PCDH15: variants seen among roughly 807,000 people sequenced by gnomAD.
PCDH15 encodes protocadherin related 15.
In PCDH15, 129 loss-of-function variants were observed where a neutral mutation model predicts 178.5. That is an observed-to-expected ratio of 0.72 (90% CI 0.63 to 0.84). The LOEUF is 0.84. Among genes scored for constraint, PCDH15 ranks in the 40% least tolerant of loss-of-function variants. The pLI, the probability that PCDH15 is intolerant of heterozygous loss-of-function variation, is 0.00. For synonymous variants in PCDH15, 800 were observed against 732.0 expected, an observed-to-expected ratio of 1.09 and a Z score of -1.50; for missense variants, 2,230 against 2,099.9, an observed-to-expected ratio of 1.06 and a Z score of -1.21.
intron 34 of PCDH15, among the ~76,000 whole-genome samples, chr10:53,816,922 A>AT (rs1179886276): frequency 1.3e-5 from 2 of 152,188 alleles, no homozygotes; most frequent in Non-Finnish European, 2.9e-5. Context: ...TTTAAAGCTA[A>AT]TACAGTCACC....
At chr10:53,916,015 A>T (rs1230409273) in intron 25 of PCDH15, among the ~76,000 whole-genome samples, 2 of 152,164 alleles carry the variant, frequency 1.3e-5, no homozygotes, top group African/African-American at 4.8e-5. Flanking sequence ...CTGATAGAAA[A>T]TGGCCATAGT....
intron 1 of PCDH15, among the ~76,000 whole-genome samples, chr10:55,195,513 G>C (rs913754357): frequency 6.7e-6 from 1 of 150,274 alleles, no homozygotes; most frequent in African/African-American, 2.4e-5. Flanking sequence ...AAAATTAGGC[G>C]GGCATGGTGG....
chr10:54,383,793 G>A (rs1448738749), intron 3 of PCDH15, among the ~76,000 whole-genome samples: 1 of 151,452 alleles, frequency 6.6e-6, no homozygotes, highest in African/African-American at 2.4e-5. Flanking sequence ...CCCAGGGGTT[G>A]AAATCAAAGA....
chr10:54,267,612 T>C (rs1452118195), intron 8 of PCDH15, among the ~76,000 whole-genome samples: 1 of 151,818 alleles, frequency 6.6e-6, no homozygotes, highest in Admixed American at 6.6e-5. Context: ...AAAGCAGTAG[T>C]ATTTCTATAC....
At chr10:54,475,591 AT>A (rs1052478272) in intron 3 of PCDH15, among the ~76,000 whole-genome samples, 4 of 151,872 alleles carry the variant, frequency 2.6e-5, no homozygotes, top group African/African-American at 7.2e-5. Context: ...ATCATATTAT[AT>A]TTTTTTCTGA....
chr10:54,180,373 T>C (rs1423859135), intron 13 of PCDH15, among the ~76,000 whole-genome samples: 10 of 152,194 alleles, frequency 6.6e-5, no homozygotes, highest in East Asian at 1.9e-4. Context: ...AAAAATATAC[T>C]GTACTTAAAA....
intron 1 of PCDH15, among the ~76,000 whole-genome samples, chr10:55,177,876 T>A (rs540303364): frequency 1.1e-4 from 16 of 152,100 alleles, no homozygotes; most frequent in African/African-American, 3.9e-4. Context: ...CGGATTTTTT[T>A]TATAGAACAA....
chr10:54,615,051 C>G (rs1350377609), intron 2 of PCDH15, among the ~76,000 whole-genome samples: 1 of 151,954 alleles, frequency 6.6e-6, no homozygotes, highest in Non-Finnish European at 1.5e-5. Context: ...TACCCATTCA[C>G]ACAATGTTGT....
chr10:54,385,814 T>C (rs544578522), intron 3 of PCDH15, among the ~76,000 whole-genome samples: 3 of 152,314 alleles, frequency 2.0e-5, no homozygotes, highest in South Asian at 4.1e-4. Context: ...GGTCATTTTA[T>C]TCATTTGGTC....
intron 1 of PCDH15, among the ~76,000 whole-genome samples, chr10:55,252,241 C>G (rs765306954): frequency 6.6e-6 from 1 of 152,054 alleles, no homozygotes; most frequent in African/African-American, 2.4e-5. Flanking sequence ...CAGATCCTGA[C>G]AGAGATGTAT....
At chr10:55,543,520 C>G (rs969202127) in intron 2 of PCDH15, among the ~76,000 whole-genome samples, 3 of 151,300 alleles carry the variant, frequency 2.0e-5, no homozygotes, top group African/African-American at 7.3e-5. Flanking sequence ...TACTTGATTG[C>G]TAACCCTAGT....
chr10:54,128,872 A>C (rs1304188808), intron 15 of PCDH15, among the ~76,000 whole-genome samples: 1 of 152,340 alleles, frequency 6.6e-6, no homozygotes, highest in Middle Eastern at 3.4e-3. Context: ...TTTAAACATT[A>C]GTACATTTAC....
intron 3 of PCDH15, among the ~76,000 whole-genome samples, chr10:54,473,258 A>T (rs1465121468): frequency 2.6e-5 from 4 of 152,282 alleles, no homozygotes; most frequent in South Asian, 4.1e-4. Flanking sequence ...GTAAAACATA[A>T]GCAAGAATAT....
At chr10:54,726,516 A>AAAG (rs1942558714) in intron 1 of PCDH15, among the ~76,000 whole-genome samples, 2 of 150,834 alleles carry the variant, frequency 1.3e-5, no homozygotes, top group South Asian at 4.2e-4. Context: ...AACAGGACCG[A>AAAG]AAATGCTAGA....
At chr10:54,891,605 A>G (rs1954463705) in intron 3 of PCDH15, among the ~76,000 whole-genome samples, 1 of 152,158 alleles carries the variant, frequency 6.6e-6, no homozygotes, top group African/African-American at 2.4e-5. Context: ...TTGCCTTCAC[A>G]TGCCTTTGAG....
chr10:55,467,774 G>C (rs903393587), intron 2 of PCDH15, among the ~76,000 whole-genome samples: 10 of 151,412 alleles, frequency 6.6e-5, no homozygotes, highest in Non-Finnish European at 1.5e-5. Context: ...GATCATCCTC[G>C]CTGACAGGGT....
chr10:54,849,036 A>AT (rs1190018673), intron 3 of PCDH15, among the ~76,000 whole-genome samples: 5 of 146,870 alleles, frequency 3.4e-5, no homozygotes, highest in Non-Finnish European at 7.7e-5. Context: ...TATCTATAAA[A>AT]TTTAAAAAAA....
intron 5 of PCDH15, 82 bp downstream of exon 5, chr10:54,369,038 G>T: frequency 1.4e-6 from 2 of 1,462,054 alleles, no homozygotes; most frequent in Non-Finnish European, 9.5e-7. Flanking sequence ...AATTTTAAAG[G>T]AATCATTTAT....
chr10:54,520,017 A>T (rs1565489402), intron 3 of PCDH15, among the ~76,000 whole-genome samples: 1 of 152,230 alleles, frequency 6.6e-6, no homozygotes, highest in Non-Finnish European at 1.5e-5. Context: ...CATATGTAGA[A>T]AGCTGAAACT....
Sources: allele counts gnomAD v4.1 joint callset (sites outside exome capture counted in the v4.1 genomes callset), GRCh38; gene constraint gnomAD v4.1.1; transcripts MANE v1.5; gene names NCBI Gene and HGNC (gene_info 2026-07-23, HGNC 2026-07-21).